Variants in PTPRD observed in about 807,000 individuals in gnomAD.
PTPRD encodes the protein protein tyrosine phosphatase receptor type D, also known as receptor-type tyrosine-protein phosphatase delta.
Under a neutral mutation model 214.5 loss-of-function variants are expected in PTPRD, and 34 were observed. That is an observed-to-expected ratio of 0.16 (90% CI 0.12 to 0.21). The LOEUF is 0.21. PTPRD is among the 10% of genes least tolerant of loss of function. The pLI is 1.00. For synonymous variants in PTPRD, 1,128 were observed against 845.7 expected (o/e 1.33, Z -5.79); for missense variants, 2,545 against 2,398.7 (o/e 1.06, Z -1.27).
chr9:8,333,734 C>T (rs548062681), intron 43 of PTPRD, among the ~76,000 whole-genome samples: 1 of 152,020 alleles, frequency 6.6e-6, no homozygotes, highest in East Asian at 1.9e-4. Flanking sequence ...GGACTAAATG[C>T]CCCAATTAAA....
chr9:9,531,044 C>T (rs1218482261), intron 8 of PTPRD, among the ~76,000 whole-genome samples: 1 of 152,110 alleles, frequency 6.6e-6, no homozygotes, highest in Non-Finnish European at 1.5e-5. Flanking sequence ...TTGAACTGTT[C>T]CCAACACACA....
chr9:10,605,332 T>C (rs60052329), intron 2 of PTPRD, among the ~76,000 whole-genome samples: 5,542 of 151,928 alleles, frequency 0.036, 354 homozygotes, highest in African/African-American at 0.13. Context: ...AATTTGGAAA[T>C]ATAAGGGACT....
intron 4 of PTPRD, among the ~76,000 whole-genome samples, chr9:10,011,347 G>A (rs1336744899): frequency 6.6e-6 from 1 of 151,876 alleles, no homozygotes; most frequent in Non-Finnish European, 1.5e-5. Flanking sequence ...TGGTAGTTAA[G>A]TCACTACATA....
At chr9:10,321,620 C>A (rs2096554355) in intron 3 of PTPRD, among the ~76,000 whole-genome samples, 1 of 151,858 alleles carries the variant, frequency 6.6e-6, no homozygotes, top group African/African-American at 2.4e-5. Flanking sequence ...GAATGGATAG[C>A]AACATAAATA....
intron 8 of PTPRD, among the ~76,000 whole-genome samples, chr9:9,480,202 C>T (rs748636839): frequency 6.6e-6 from 1 of 152,076 alleles, no homozygotes. Context: ...GTGAATAATT[C>T]CACTGAGGTG....
intron 9 of PTPRD, among the ~76,000 whole-genome samples, chr9:9,290,745 GTGGAAATGATTTATAAACA>G (rs1370972158): frequency 6.6e-6 from 1 of 151,492 alleles, no homozygotes; most frequent in African/African-American, 2.4e-5. Flanking sequence ...AAGTTAACAT[GTGGAAATGATTTATAAACA>G]TGGGAGATTC....
At chr9:9,677,563 G>A (rs372198614) in intron 7 of PTPRD, among the ~76,000 whole-genome samples, 7 of 151,884 alleles carry the variant, frequency 4.6e-5, no homozygotes, top group South Asian at 2.1e-4. Context: ...TTGATGGGAC[G>A]TATCTCAAAA....
At chr9:10,477,063 T>C (rs55729544) in intron 2 of PTPRD, among the ~76,000 whole-genome samples, 13,934 of 152,148 alleles carry the variant, frequency 0.092, 864 homozygotes, top group East Asian at 0.3. Context: ...ATTCAGGACA[T>C]AGGCATGGGC....
chr9:9,730,570 ACTAT>A (rs1411373047), intron 7 of PTPRD, among the ~76,000 whole-genome samples: 1 of 152,114 alleles, frequency 6.6e-6, no homozygotes, highest in Admixed American at 6.6e-5. Flanking sequence ...TCTTGTTTTA[ACTAT>A]CTATGTATAA....
At chr9:10,247,424 G>C (rs1480231616) in intron 3 of PTPRD, among the ~76,000 whole-genome samples, 1 of 152,136 alleles carries the variant, frequency 6.6e-6, no homozygotes, top group Non-Finnish European at 1.5e-5. Context: ...CAATAAGTTA[G>C]AGACAAAATG....
At chr9:8,766,788 T>A (rs182219129) in intron 11 of PTPRD, among the ~76,000 whole-genome samples, 3 of 152,336 alleles carry the variant, frequency 2.0e-5, no homozygotes, top group Middle Eastern at 3.4e-3. Flanking sequence ...AAAGCTCACA[T>A]TAATTTCAAT....
chr9:8,958,744 C>T (rs887950862), intron 11 of PTPRD: 8 of 151,948 alleles, frequency 5.3e-5, no homozygotes, highest in African/African-American at 1.9e-4. Flanking sequence ...GAAAGAGTCT[C>T]TCAGCATTTC....
At chr9:8,890,420 ACCTCTC>A (rs2098528967) in intron 11 of PTPRD, among the ~76,000 whole-genome samples, 2 of 152,174 alleles carry the variant, frequency 1.3e-5, no homozygotes, top group Non-Finnish European at 2.9e-5. Flanking sequence ...GAATCTTGTC[ACCTCTC>A]ATAAATTCAT....
rs942225979 is a variant in PTPRD at position 10,132,690 on chromosome 9, A to G, written c.-544-98900T>C. ...GTAGAGAACAGAAGATAAATGAGTAAGAGATCAGGTAAGTGGAAGCCCATT... is the reference window on the plus strand; with the variant it reads ...GTAGAGAACAGAAGATAAATGAGTAGGAGATCAGGTAAGTGGAAGCCCATT... On this transcript the variant is annotated intron_variant, in intron 3 of 45. Coordinates refer to ENST00000381196, the MANE Select transcript of PTPRD (RefSeq NM_002839.4). Among the ~76,000 whole-genome samples the G allele has an allele frequency of 2.0e-5, 3 of 152,200 alleles. No individual in the cohort carries two copies. The South Asian group carries it at 6.2e-4, about 31-fold the overall frequency.
intron 11 of PTPRD, among the ~76,000 whole-genome samples, chr9:8,996,967 A>G (rs567040525): frequency 3.9e-5 from 6 of 152,236 alleles, no homozygotes; most frequent in Admixed American, 2.0e-4. Flanking sequence ...TAAAAAGAAT[A>G]TATTTTATGT....
At chr9:9,063,492 T>C (rs904187461) in intron 10 of PTPRD, among the ~76,000 whole-genome samples, 2 of 152,168 alleles carry the variant, frequency 1.3e-5, no homozygotes, top group Non-Finnish European at 2.9e-5. Context: ...TACTGTAGTA[T>C]GTAATCTTAC....
rs576373733 is a variant in PTPRD, at chr9:10,558,357, T to C, written c.-600+54041A>G. 3.3e-5 allele frequency among the ~76,000 whole-genome samples: 5 copies of C among 152,282 alleles called. No individual in the cohort carries two copies. In the East Asian group the frequency reaches 9.7e-4, roughly 29 times the overall value. On this transcript the variant is annotated intron_variant, in intron 2 of 45. Coordinates refer to ENST00000381196, the MANE Select transcript of PTPRD (RefSeq NM_002839.4). ...ATGATGGAGGAAAAAATAATAAAAGTTTCAGAGTCCTGGTAAAAGTAATTT... is the reference window on the plus strand; with the variant it reads ...ATGATGGAGGAAAAAATAATAAAAGCTTCAGAGTCCTGGTAAAAGTAATTT...
rs954072957 is a variant in PTPRD, at chr9:10,149,590, T to C, written c.-544-115800A>G. ...TGCCTAGTCCCCATGACTGTTGGAA[T>C]TCTAGACCTTTGGTATATTCATTAT... On this transcript the variant is annotated intron_variant, in intron 3 of 45. Coordinates refer to ENST00000381196, the MANE Select transcript of PTPRD (RefSeq NM_002839.4). 5.3e-5 allele frequency among the ~76,000 whole-genome samples: 8 copies of C among 152,332 alleles called. 1 individual carries two copies. Among genetic ancestry groups the C allele is most frequent in the African/African-American group, 1.9e-4 (8 of 41,572 alleles).
At chr9:8,953,854 T>C (rs900485747) in intron 11 of PTPRD, among the ~76,000 whole-genome samples, 1 of 151,756 alleles carries the variant, frequency 6.6e-6, no homozygotes, top group Admixed American at 6.6e-5. Flanking sequence ...ATAACAGATA[T>C]TGGCAAGGCT....
Sources: allele counts gnomAD v4.1 joint callset (sites outside exome capture counted in the v4.1 genomes callset), GRCh38; gene constraint gnomAD v4.1.1; transcripts MANE v1.5; gene names NCBI Gene and HGNC (gene_info 2026-07-23, HGNC 2026-07-21).